Variants in ASPHD2 observed in about 807,000 individuals in gnomAD.
The protein encoded by ASPHD2 is aspartate beta-hydroxylase domain containing 2, also known as aspartate beta-hydroxylase domain-containing protein 2.
ASPHD2 carries 12 observed loss-of-function variants against 34.6 expected under a neutral mutation model. That is an observed-to-expected ratio of 0.35 (90% CI 0.22 to 0.56). ASPHD2 has a LOEUF of 0.56. Among genes scored for constraint, ASPHD2 ranks in the 20% least tolerant of loss-of-function variants. The pLI, the probability that ASPHD2 is intolerant of heterozygous loss-of-function variation, is 0.87. For missense variants in ASPHD2, 375 were observed against 505.0 expected (o/e 0.74, Z 2.47); for synonymous variants, 224 against 212.2 (o/e 1.06, Z -0.48).
At chr22:26,442,926 T>C (rs1040229230) in intron 3 of ASPHD2, among the ~76,000 whole-genome samples, 171 bp from the exon 4 acceptor site, 22 of 152,102 alleles carry the variant, frequency 1.4e-4, no homozygotes, top group African/African-American at 5.1e-4. Flanking sequence ...CAGAAGCCCA[T>C]GAAGCCAGGT....
In ASPHD2 at chr22:26,442,501, A is replaced by G; in HGVS notation, c.929A>G (p.Glu310Gly). ...GGCTGTGAGCTGGTGGTGGGGGGAG[A>G]GCCCCAGTGCTGGGCAGAAGGGCGC... ...PNGCELVVGG[E>G]PQCWAEGRCL... is the part of the protein sequence containing the mutation. Residue 310 changes from glutamate to glycine, a missense_variant, in exon 3 of 4, where the codon GAG (glutamate) becomes GGG (glycine). By Grantham distance (98) the Glu-to-Gly change is moderately conservative. Coordinates refer to ENST00000215906, the MANE Select transcript of ASPHD2 (RefSeq NM_020437.5). 6.2e-7 allele frequency: 1 copy of G among 1,609,746 alleles called. No homozygotes were observed.
rs67796345 is a variant in ASPHD2, at chr22:26,436,813, CTTG to C, written c.886+2318_886+2320del. On this transcript the variant is annotated intron_variant, in intron 2 of 3. Coordinates refer to ENST00000215906, the MANE Select transcript of ASPHD2 (RefSeq NM_020437.5). The stretch of plus-strand genomic sequence containing the variant: ...GGGGTTTGCTTTCTGTAGATTAACA[CTTG>C]TTGTTCATCTGTATGATATGCATGC... Among the ~76,000 whole-genome samples the C allele has an allele frequency of 8.2e-3, 1,251 of 151,862 alleles. 16 individuals are homozygous for C. The highest frequency in any genetic ancestry group is 0.028 in the African/African-American group (1,165 of 41,312).
chr22:26,432,055 T>C (rs909409178), intron 1 of ASPHD2, among the ~76,000 whole-genome samples: 1 of 152,132 alleles, frequency 6.6e-6, no homozygotes, highest in African/African-American at 2.4e-5. Flanking sequence ...ATTAGCTGGG[T>C]GTGATGGCGC....
intron 2 of ASPHD2, among the ~76,000 whole-genome samples, chr22:26,441,663 C>A (rs1207087366): frequency 6.6e-6 from 1 of 150,596 alleles, no homozygotes; most frequent in Non-Finnish European, 1.5e-5. Flanking sequence ...CAGTGGCTCA[C>A]GCCTGTAATC....
chr22:26,443,849 C>A lies in ASPHD2; in HGVS notation c.*643C>A, dbSNP rs927918557. 2 of 152,234 alleles carry A rather than the reference C, an allele frequency of 1.3e-5. No individual in the cohort carries two copies. The highest frequency in any genetic ancestry group is 4.8e-5 in the African/African-American group (2 of 41,440). The allele number at this position is 152,234 out of a possible 1,614,324, so 9.4% of individuals were successfully genotyped here. ...CACCATCGCTCACCTCATTCTAAAC[C>A]TTGTCAGGTCCCTGATGGCAAAAGC... is the stretch of plus-strand genomic sequence containing the variant. On this transcript the variant is annotated 3_prime_UTR_variant, in exon 4 of 4. Coordinates refer to ENST00000215906, the MANE Select transcript of ASPHD2 (RefSeq NM_020437.5).
chr22:26,440,205 C>T (rs1221250591), intron 2 of ASPHD2, among the ~76,000 whole-genome samples: 1 of 152,214 alleles, frequency 6.6e-6, no homozygotes, highest in South Asian at 2.1e-4. Context: ...CCAAGTGTTT[C>T]TGCAGACCCT....
At position 26,444,871 on chromosome 22, in the gene ASPHD2, C is replaced by T. The variant is rs1568987689; in HGVS notation, c.*1665C>T. On this transcript the variant is annotated 3_prime_UTR_variant, in exon 4 of 4. Transcript: ENST00000215906. ...TTTACTCATTATCTTGTTAAAGAATCACTGAGGTGCATGATTTCTACACAT... is the reference window on the plus strand; with the variant it reads ...TTTACTCATTATCTTGTTAAAGAATTACTGAGGTGCATGATTTCTACACAT... 6.6e-6 allele frequency: 1 copy of T among 152,232 alleles called. No homozygotes were observed. Among genetic ancestry groups the T allele is most frequent in the Admixed American group, 6.5e-5 (1 of 15,276 alleles). 9.4% of individuals were successfully genotyped at this position (152,232 alleles called of 1,614,324 possible).
In ASPHD2 at chr22:26,433,828, C is replaced by T. The variant is rs749565197; in HGVS notation, c.213C>T (p.Phe71=). Residue 71 remains phenylalanine, a synonymous_variant, in exon 2 of 4, where the codon TTC becomes TTT. Transcript: ENST00000215906. This position sits in a 1 kb window ranked among gnomAD's most constrained non-coding sequence, Gnocchi z 5.1. ...VITVACLLVL[F]VWYCYHVGRE... Reference sequence around the variant, plus strand: ...CTGTGGCCTGCCTCCTGGTCCTCTTCGTGTGGTACTGTTATCACGTGGGCA... The same window carrying T: ...CTGTGGCCTGCCTCCTGGTCCTCTTTGTGTGGTACTGTTATCACGTGGGCA... 5.0e-6 allele frequency: 8 copies of T among 1,613,876 alleles called. No homozygotes were observed. The highest frequency in any genetic ancestry group is 1.1e-5 in the South Asian group (1 of 91,086).
At chr22:26,442,616 C>A in intron 3 of ASPHD2, 44 bp downstream of exon 3, 1 of 1,452,558 alleles carries the variant, frequency 6.9e-7, no homozygotes, top group Non-Finnish European at 9.4e-7. Context: ...AATGAATAGA[C>A]TTTTATTTTT....
chr22:26,436,724 G>A (rs1321928370), intron 2 of ASPHD2, among the ~76,000 whole-genome samples: 1 of 152,228 alleles, frequency 6.6e-6, no homozygotes, highest in Non-Finnish European at 1.5e-5. Flanking sequence ...AAGGGCATTT[G>A]AGGACTGATG....
Position 26,433,966 on chromosome 22 carries a change from C to G in ASPHD2, c.351C>G (p.Thr117=), listed in dbSNP as rs777950420. Reference sequence around the variant, plus strand: ...AGTCCCCTGAGTGCGTGCGCTGCACCCACAACGAGGGCCTCAACCAGAAGC... The same window carrying G: ...AGTCCCCTGAGTGCGTGCGCTGCACGCACAACGAGGGCCTCAACCAGAAGC... ...YCQSPECVRC[T]HNEGLNQKLY... The change falls in exon 2 of 4, where the codon ACC becomes ACG. Residue 117 remains threonine (T), a synonymous_variant. Coordinates refer to ENST00000215906, the MANE Select transcript of ASPHD2 (RefSeq NM_020437.5). The surrounding 1 kb of genome is among the most constrained non-coding windows in gnomAD (Gnocchi z 5.1). 2 of 1,613,368 alleles carry G rather than the reference C, an allele frequency of 1.2e-6. No individual in the cohort carries two copies. The highest frequency in any genetic ancestry group is 2.7e-5 in the African/African-American group (2 of 74,946).
chr22:26,434,108 C>T lies in ASPHD2; in HGVS notation c.493C>T (p.Pro165Ser). The change falls in exon 2 of 4, where the codon CCC becomes TCC. Residue 165 changes from proline to serine, a missense_variant. Pro to Ser is a moderately conservative substitution (Grantham distance 74, BLOSUM62 -1). Coordinates refer to ENST00000215906, the MANE Select transcript of ASPHD2 (RefSeq NM_020437.5). ...YLNSRPSIQK[P>S]EVFFLPDLPT... ...CAACAGCCGGCCCTCCATCCAGAAG[C>T]CCGAGGTCTTCTTCCTGCCCGACCT... The T allele has an allele frequency of 1.2e-6, 2 of 1,612,688 alleles. No homozygotes were observed. The highest frequency in any genetic ancestry group is 1.7e-6 in the Non-Finnish European group (2 of 1,179,580).
At position 26,433,699 on chromosome 22, in the gene ASPHD2, G is replaced by A. The variant is rs904723634; in HGVS notation, c.84G>A (p.Ser28=). ...CCAGTAAGGACTCCCCCAAGATGTC[G>A]CTCGAGTGGCTGGTGGCCTGGAGCT... ...HTPSKDSPKM[S]LEWLVAWSWS... The change falls in exon 2 of 4, where the codon TCG becomes TCA. Residue 28 remains serine, a synonymous_variant. Coordinates refer to ENST00000215906, the MANE Select transcript of ASPHD2 (RefSeq NM_020437.5). The surrounding 1 kb of genome is among the most constrained non-coding windows in gnomAD (Gnocchi z 5.1). The A allele has an allele frequency of 5.0e-6, 8 of 1,613,930 alleles. No homozygotes were observed. The highest frequency in any genetic ancestry group is 4.5e-5 in the East Asian group (2 of 44,894).
chr22:26,436,193 T>C (rs2084791482), intron 2 of ASPHD2, among the ~76,000 whole-genome samples: 4 of 152,206 alleles, frequency 2.6e-5, no homozygotes, highest in Admixed American at 2.6e-4. Context: ...TGAGTGACCT[T>C]GGGCAGGGCT....
intron 2 of ASPHD2, among the ~76,000 whole-genome samples, chr22:26,438,522 T>TACACATAC (rs1439685270): frequency 6.9e-6 from 1 of 145,668 alleles, no homozygotes; most frequent in African/African-American, 2.5e-5. Context: ...CATACATATA[T>TACACATAC]ATACATACAT....
rs2146127252 is a variant in ASPHD2, at chr22:26,433,508, A to G, written c.-108A>G. 1.2e-6 allele frequency: 1 copy of G among 832,000 alleles called. No individual in the cohort carries two copies. Among genetic ancestry groups the G allele is most frequent in the South Asian group, 1.6e-5 (1 of 62,754 alleles). 51.5% of individuals were successfully genotyped at this position (832,000 alleles called of 1,614,324 possible). Reference sequence around the variant, plus strand: ...TTTGCCGGAAAGTGGAGCAGTGGGCACGGCCAACCTTGTCGTTCATCAATG... The same window carrying G: ...TTTGCCGGAAAGTGGAGCAGTGGGCGCGGCCAACCTTGTCGTTCATCAATG... On this transcript the variant is annotated 5_prime_UTR_variant, in exon 2 of 4. Coordinates refer to ENST00000215906, the MANE Select transcript of ASPHD2 (RefSeq NM_020437.5). The surrounding 1 kb of genome is among the most constrained non-coding windows in gnomAD (Gnocchi z 5.1).
In ASPHD2 at chr22:26,429,668, G is replaced by A. The variant is rs1230205733; in HGVS notation, c.-225+182G>A. 6.6e-6 allele frequency among the ~76,000 whole-genome samples: 1 copy of A among 151,800 alleles called. No individual in the cohort carries two copies. Among genetic ancestry groups the A allele is most frequent in the African/African-American group, 2.4e-5 (1 of 41,368 alleles). On this transcript the variant is annotated intron_variant, in intron 1 of 3. Transcript: ENST00000215906. This position sits in a 1 kb window ranked among gnomAD's most constrained non-coding sequence, Gnocchi z 4.5. The stretch of plus-strand genomic sequence containing the variant: ...ACCCGGGCGCCCGCATCCCGGCCCG[G>A]CCGAGGCCAGTGCTCGTACGTGCTA...
At chr22:26,439,504 T>C (rs778264271) in intron 2 of ASPHD2, among the ~76,000 whole-genome samples, 1 of 152,232 alleles carries the variant, frequency 6.6e-6, no homozygotes, top group Non-Finnish European at 1.5e-5. Context: ...TCCAGTTTTA[T>C]AACAGCCTGT....
chr22:26,442,620 T>A, intron 3 of ASPHD2, 48 bp downstream of exon 3: 1 of 1,441,760 alleles, frequency 6.9e-7, no homozygotes, highest in East Asian at 2.3e-5. Context: ...AATAGACTTT[T>A]ATTTTTTTAG....
Sources: allele counts gnomAD v4.1 joint callset (sites outside exome capture counted in the v4.1 genomes callset), GRCh38; gene constraint gnomAD v4.1.1; non-coding constraint Gnocchi (gnomAD v3.1); transcripts MANE v1.5; gene names NCBI Gene and HGNC (gene_info 2026-07-23, HGNC 2026-07-21).